Variants in GLRA3 observed in about 807,000 individuals in gnomAD.
GLRA3 encodes glycine receptor alpha 3.
Under a neutral mutation model 60.4 loss-of-function variants are expected in GLRA3, and 44 were observed. The ratio of observed to expected loss-of-function variants is 0.73; its 90% confidence interval spans 0.57 to 0.94. GLRA3 has a LOEUF of 0.94. Among genes scored for constraint, GLRA3 ranks in the 40% least tolerant of loss-of-function variants. The probability of loss-of-function intolerance (pLI) is 0.00; values close to 1 mark genes in which losing one functional copy is unlikely to be tolerated. For synonymous variants in GLRA3, 223 were observed against 192.9 expected (o/e 1.16, Z -1.29); for missense variants, 508 against 564.6 (o/e 0.90, Z 1.02).
chr4:174,789,021 A>T, intron 1 of GLRA3, 78 bp from the exon 2 acceptor site: 1 of 891,950 alleles, frequency 1.1e-6, no homozygotes, highest in Non-Finnish European at 1.7e-6. Flanking sequence ...ATAAAATAGA[A>T]ATGCTGAGCT....
chr4:174,722,101 C>A (rs896735802), intron 4 of GLRA3, among the ~76,000 whole-genome samples: 3 of 151,972 alleles, frequency 2.0e-5, no homozygotes, highest in African/African-American at 7.3e-5. Flanking sequence ...GTATTCTTGT[C>A]TACTGCTCAG....
At chr4:174,761,898 A>G (rs1737954689) in intron 3 of GLRA3, among the ~76,000 whole-genome samples, 1 of 152,198 alleles carries the variant, frequency 6.6e-6, no homozygotes, top group African/African-American at 2.4e-5. Flanking sequence ...AAAAGTTAGG[A>G]AAAGGAGGCT....
chr4:174,681,368 G>A (rs966060497), intron 6 of GLRA3, among the ~76,000 whole-genome samples: 2 of 152,176 alleles, frequency 1.3e-5, no homozygotes, highest in African/African-American at 4.8e-5. Flanking sequence ...ATGTGTGAAT[G>A]TGAACTGACT....
intron 9 of GLRA3, 123 bp from the exon 10 acceptor site, chr4:174,644,187 C>T (rs898201586): frequency 2.6e-5 from 17 of 645,748 alleles, no homozygotes; most frequent in South Asian, 1.3e-4. Flanking sequence ...AAAAGATAAC[C>T]GAAGCATATA....
intron 3 of GLRA3, among the ~76,000 whole-genome samples, chr4:174,756,689 G>A (rs1393970456): frequency 7.0e-6 from 1 of 143,152 alleles, no homozygotes; most frequent in African/African-American, 2.6e-5. Flanking sequence ...CTTTTGCCCA[G>A]GCTGGAGTGC....
At chr4:174,824,130 A>G (rs2111404955) in intron 1 of GLRA3, among the ~76,000 whole-genome samples, 1 of 152,324 alleles carries the variant, frequency 6.6e-6, no homozygotes, top group African/African-American at 2.4e-5. Context: ...TTCTGCAAGC[A>G]TCTTAACCTC....
At chr4:174,751,935 T>C (rs1262553711) in intron 3 of GLRA3, among the ~76,000 whole-genome samples, 1 of 151,954 alleles carries the variant, frequency 6.6e-6, no homozygotes, top group Non-Finnish European at 1.5e-5. Flanking sequence ...CTAAAAAGTG[T>C]CTTTAGGGAG....
intron 2 of GLRA3, among the ~76,000 whole-genome samples, chr4:174,774,352 ATG>A (rs754216626): frequency 1.1e-4 from 16 of 147,038 alleles, no homozygotes; most frequent in South Asian, 4.3e-4. Context: ...GTGTAAATGT[ATG>A]TGTGTGTGTA....
At chr4:174,749,498 C>A (rs974767273) in intron 3 of GLRA3, among the ~76,000 whole-genome samples, 1 of 152,072 alleles carries the variant, frequency 6.6e-6, no homozygotes, top group Non-Finnish European at 1.5e-5. Flanking sequence ...AAACCAGTGG[C>A]AAAATCAGTT....
Position 174,643,547 on chromosome 4 carries a change from A to G in GLRA3, c.*239T>C. On this transcript the variant is annotated 3_prime_UTR_variant, in exon 10 of 10. Coordinates refer to ENST00000274093, the MANE Select transcript of GLRA3 (RefSeq NM_006529.4). ...CCACTTACATGGTTTACTGTGAAAA[A>G]ACAAATCACCTGGAATTAATATGAA... is the stretch of plus-strand genomic sequence containing the variant. 1 of 1,175,214 alleles carries G rather than the reference A, an allele frequency of 8.5e-7. No individual in the cohort carries two copies. The highest frequency in any genetic ancestry group is 1.1e-6 in the Non-Finnish European group (1 of 947,200). The allele number at this position is 1,175,214 out of a possible 1,614,324, so 72.8% of individuals were successfully genotyped here. A position where few individuals can be genotyped will look rare whatever the true frequency, so the allele number is the denominator to read the frequency against.
chr4:174,816,910 G>C (rs1446769792), intron 1 of GLRA3, among the ~76,000 whole-genome samples: 1 of 152,068 alleles, frequency 6.6e-6, no homozygotes, highest in East Asian at 1.9e-4. Context: ...ACAGGCATGT[G>C]ATATGTAATA....
intron 5 of GLRA3, among the ~76,000 whole-genome samples, chr4:174,696,139 G>T (rs1443580446): frequency 6.6e-6 from 1 of 151,724 alleles, no homozygotes; most frequent in Non-Finnish European, 1.5e-5. Context: ...TGGATAGGAA[G>T]AATCAATATC....
At chr4:174,737,165 T>C (rs1334758304) in intron 3 of GLRA3, among the ~76,000 whole-genome samples, 3 of 152,206 alleles carry the variant, frequency 2.0e-5, no homozygotes, top group Non-Finnish European at 4.4e-5. Context: ...ATTTTGGGCC[T>C]GTGTAAGATC....
At chr4:174,773,687 T>TA (rs1254511377) in intron 2 of GLRA3, among the ~76,000 whole-genome samples, 5 of 132,720 alleles carry the variant, frequency 3.8e-5, no homozygotes, top group Non-Finnish European at 8.6e-5. Context: ...TTTGATGACT[T>TA]AAAATCCAGA....
rs556645439 is a variant in GLRA3, at chr4:174,674,516, T to C, written c.927+2562A>G. ...AAATATCAGAGAGGAATATCAGCTC[T>C]GTAGTTCTCTAGAAGCTGGCTAAAG... is the stretch of plus-strand genomic sequence containing the variant. On this transcript the variant is annotated intron_variant, in intron 7 of 9. Transcript: ENST00000274093. Among the ~76,000 whole-genome samples, 15 of 152,322 alleles carry C rather than the reference T, an allele frequency of 9.8e-5. No homozygotes were observed. In the South Asian group the frequency reaches 1.9e-3, roughly 19 times the overall value.
At chr4:174,765,857 G>T (rs1354530862) in intron 3 of GLRA3, among the ~76,000 whole-genome samples, 1 of 151,778 alleles carries the variant, frequency 6.6e-6, no homozygotes, top group African/African-American at 2.4e-5. Flanking sequence ...TTCCACAAAT[G>T]CTTATTGTAG....
intron 1 of GLRA3, among the ~76,000 whole-genome samples, chr4:174,828,417 A>G (rs923740483): frequency 2.1e-4 from 32 of 152,220 alleles, no homozygotes; most frequent in African/African-American, 7.7e-4. Flanking sequence ...AGTAACACCC[A>G]AATTATATAA....
At chr4:174,807,796 C>T (rs1399104867) in intron 1 of GLRA3, among the ~76,000 whole-genome samples, 1 of 151,990 alleles carries the variant, frequency 6.6e-6, no homozygotes, top group Non-Finnish European at 1.5e-5. Flanking sequence ...GTTTTCCAGC[C>T]AATCTATGAA....
intron 4 of GLRA3, among the ~76,000 whole-genome samples, chr4:174,725,846 A>C (rs916544501): frequency 3.9e-5 from 6 of 152,090 alleles, no homozygotes; most frequent in African/African-American, 7.2e-5. Context: ...TTGAACATTT[A>C]TGGTTCTTTG....
Sources: gnomAD v4.1 joint callset for allele counts (sites outside exome capture counted in the v4.1 genomes callset) on GRCh38, gnomAD v4.1.1 for gene constraint, MANE v1.5 for transcripts, NCBI Gene and HGNC (gene_info 2026-07-23, HGNC 2026-07-21) for gene names.